HDAC9: variants seen among roughly 807,000 people sequenced by gnomAD.
HDAC9 encodes the protein MEF-2 interacting transcription repressor (MITR) protein.
HDAC9 carries 41 observed loss-of-function variants against 139.4 expected under a neutral mutation model. The observed-to-expected ratio is 0.29, with a 90% CI of 0.23 to 0.38. HDAC9 has a LOEUF of 0.38. Among genes scored for constraint, HDAC9 ranks in the 10% least tolerant of loss-of-function variants. HDAC9 has a pLI of 1.00. For missense variants in HDAC9, 1,147 were observed against 1,297.0 expected (o/e 0.88, Z 1.78); for synonymous variants, 517 against 476.2 (o/e 1.09, Z -1.12).
chr7:18,739,679 G>T (rs752193505), intron 13 of HDAC9, among the ~76,000 whole-genome samples: 1 of 152,070 alleles, frequency 6.6e-6, no homozygotes, highest in Non-Finnish European at 1.5e-5. Flanking sequence ...GGTGTCTGTC[G>T]GTCCCTACTG....
At chr7:18,751,378 C>CA in intron 14 of HDAC9, among the ~76,000 whole-genome samples, 1 of 152,178 alleles carries the variant, frequency 6.6e-6, no homozygotes, top group African/African-American at 2.4e-5. Flanking sequence ...ACATCATATC[C>CA]AAAACATGGC....
At chr7:18,833,624 G>A (rs1796015927) in intron 19 of HDAC9, among the ~76,000 whole-genome samples, 2 of 151,884 alleles carry the variant, frequency 1.3e-5, no homozygotes, top group Admixed American at 6.6e-5. Context: ...CCTTTCCTTG[G>A]GATATTCAGA....
chr7:18,874,689 T>C, intron 22 of HDAC9, 93 bp downstream of exon 22: 1 of 701,004 alleles, frequency 1.4e-6, no homozygotes, highest in Non-Finnish European at 2.6e-6. Flanking sequence ...ATGTGTCCAG[T>C]AAACTTGGGT....
chr7:18,468,266 T>C (rs1338854389), intron 1 of HDAC9, among the ~76,000 whole-genome samples: 4 of 152,214 alleles, frequency 2.6e-5, no homozygotes, highest in Non-Finnish European at 4.4e-5. Flanking sequence ...ACATAAATCA[T>C]TTAGAATTCT....
chr7:18,236,077 T>C (rs1793794085), intron 2 of HDAC9, among the ~76,000 whole-genome samples: 1 of 152,144 alleles, frequency 6.6e-6, no homozygotes, highest in Admixed American at 6.5e-5. Context: ...AACGCAGAGA[T>C]GATAAACTTG....
At chr7:18,135,271 T>TA (rs1191458677) in intron 1 of HDAC9, among the ~76,000 whole-genome samples, 1 of 141,266 alleles carries the variant, frequency 7.1e-6, no homozygotes, top group East Asian at 2.0e-4. Context: ...TTTTTTTTTT[T>TA]AAAAAGGTAG....
chr7:18,095,735 C>T (rs1323866967), intron 1 of HDAC9, among the ~76,000 whole-genome samples: 2 of 152,038 alleles, frequency 1.3e-5, no homozygotes, highest in Non-Finnish European at 1.5e-5. Context: ...CCAAACCCAA[C>T]AAACAAATGT....
intron 1 of HDAC9, among the ~76,000 whole-genome samples, chr7:18,358,036 A>T (rs796904847): frequency 2.6e-5 from 4 of 152,254 alleles, no homozygotes; most frequent in South Asian, 4.1e-4. Flanking sequence ...GAAGTTTAGA[A>T]GGTGTAGCTG....
chr7:18,775,193 T>A (rs1016983088), intron 16 of HDAC9, among the ~76,000 whole-genome samples: 1 of 152,010 alleles, frequency 6.6e-6, no homozygotes, highest in Non-Finnish European at 1.5e-5. Context: ...CAAAGATGAC[T>A]GATCACAGAT....
intron 22 of HDAC9, among the ~76,000 whole-genome samples, chr7:18,882,796 A>C (rs117367965): frequency 1.3e-5 from 2 of 152,138 alleles, no homozygotes; most frequent in Non-Finnish European, 2.9e-5. Flanking sequence ...GGGTGTTTAG[A>C]TGATATATTT....
intron 17 of HDAC9, among the ~76,000 whole-genome samples, chr7:18,826,390 C>T (rs1461686496): frequency 6.6e-6 from 1 of 151,692 alleles, no homozygotes; most frequent in Non-Finnish European, 1.5e-5. Context: ...GAAAGGGGGG[C>T]ACTCAGAAAA....
At chr7:18,609,510 C>G (rs1042298098) in intron 6 of HDAC9, among the ~76,000 whole-genome samples, 3 of 152,122 alleles carry the variant, frequency 2.0e-5, no homozygotes, top group Admixed American at 2.0e-4. Flanking sequence ...TCAGTCACAG[C>G]AAACTCTTCC....
intron 14 of HDAC9, among the ~76,000 whole-genome samples, chr7:18,755,408 G>A (rs1788788702): frequency 6.6e-6 from 1 of 152,106 alleles, no homozygotes; most frequent in African/African-American, 2.4e-5. Context: ...TGAAACAGCA[G>A]CGTTGAAGCT....
chr7:18,369,592 C>T (rs1040546966), intron 1 of HDAC9, among the ~76,000 whole-genome samples: 4 of 152,028 alleles, frequency 2.6e-5, no homozygotes, highest in South Asian at 4.2e-4. Context: ...TTTAATGACT[C>T]CTTTAGTGGA....
At chr7:18,127,534 C>T (rs1236632235) in intron 1 of HDAC9, among the ~76,000 whole-genome samples, 1 of 152,056 alleles carries the variant, frequency 6.6e-6, no homozygotes. Flanking sequence ...TAAACTTAAA[C>T]ATTAACTGGG....
chr7:18,383,295 A>C lies in HDAC9; in HGVS notation c.-42+92780A>C, dbSNP rs577360693. Among the ~76,000 whole-genome samples, 5 of 152,320 alleles carry C rather than the reference A, an allele frequency of 3.3e-5. No individual in the cohort carries two copies. In the South Asian group the frequency reaches 1.0e-3, roughly 32 times the overall value. ...TGTGGCACAGTTACCTTCTTTCCCC[A>C]TATTGTTACCATGGTAGACATTCAC... is the stretch of plus-strand genomic sequence containing the variant. On this transcript the variant is annotated intron_variant, in intron 1 of 3. Coordinates refer to the HDAC9 transcript ENST00000413509.
chr7:18,539,884 A>G (rs1308043805), intron 2 of HDAC9, among the ~76,000 whole-genome samples: 1 of 152,068 alleles, frequency 6.6e-6, no homozygotes, highest in Non-Finnish European at 1.5e-5. Flanking sequence ...CCATATGCCA[A>G]TTTGTTTAAA....
At chr7:18,902,883 C>T (rs1022370802) in intron 22 of HDAC9, among the ~76,000 whole-genome samples, 14 of 152,104 alleles carry the variant, frequency 9.2e-5, no homozygotes, top group African/African-American at 3.1e-4. Context: ...TCTGCAGTCT[C>T]GTTCCTTTGA....
intron 2 of HDAC9, among the ~76,000 whole-genome samples, chr7:18,530,705 A>G (rs1209218921): frequency 6.6e-6 from 1 of 151,754 alleles, no homozygotes; most frequent in African/African-American, 2.4e-5. Flanking sequence ...CAGCTTCCTG[A>G]GGGATTTCCC....
Sources: gnomAD v4.1 joint callset for allele counts (sites outside exome capture counted in the v4.1 genomes callset) on GRCh38, gnomAD v4.1.1 for gene constraint, MANE v1.5 for transcripts, NCBI Gene and HGNC (gene_info 2026-07-23, HGNC 2026-07-21) for gene names.